Variants in AASS observed in about 807,000 individuals in gnomAD.
The protein encoded by AASS is aminoadipate-semialdehyde synthase, also known as alpha-aminoadipic semialdehyde synthase, mitochondrial.
In AASS, 86 loss-of-function variants were observed where a neutral mutation model predicts 105.4. That is an observed-to-expected ratio of 0.82 (90% CI 0.69 to 0.98). The LOEUF (loss-of-function observed/expected upper bound fraction) is 0.98. AASS is among the 50% of genes least tolerant of loss of function. AASS has a pLI of 0.00. For missense variants in AASS, 1,048 were observed against 1,143.2 expected (o/e 0.92, Z 1.20); for synonymous variants, 381 against 394.8 (o/e 0.96, Z 0.41).
In AASS at chr7:122,091,833, T is replaced by C. The variant is rs753976876; in HGVS notation, c.1886A>G (p.Tyr629Cys). ...TGGAAGCCCACCACAGTAGGAAATA[T>C]ATGATTCAATCTATAAATTAAAGAA... The part of the protein sequence containing the change: ...AKEVGATIES[Y>C]ISYCGGLPAP... The change falls in exon 18 of 24, where the codon TAT becomes TGT. Residue 629 changes from tyrosine (Y) to cysteine (C), a missense_variant. Transcript: ENST00000417368. 6 of 1,602,784 alleles carry C rather than the reference T, an allele frequency of 3.7e-6. No homozygotes were observed. Among genetic ancestry groups the C allele is most frequent in the Admixed American group, 1.7e-5 (1 of 59,832 alleles).
chr7:122,142,843 C>T (rs575339521), intron 1 of AASS, among the ~76,000 whole-genome samples: 5 of 152,162 alleles, frequency 3.3e-5, no homozygotes, highest in East Asian at 3.9e-4. Flanking sequence ...TCCAAAATTC[C>T]GAACCAAGGT....
intron 14 of AASS, 65 bp from the exon 15 acceptor site, chr7:122,098,641 A>C (rs1484606182): frequency 3.2e-6 from 5 of 1,582,366 alleles, no homozygotes; most frequent in Middle Eastern, 1.8e-4. Context: ...TAACATCTCC[A>C]AAAATAAATT....
intron 18 of AASS, among the ~76,000 whole-genome samples, chr7:122,088,670 G>C (rs1235962654): frequency 1.3e-5 from 2 of 152,168 alleles, no homozygotes; most frequent in African/African-American, 4.8e-5. Flanking sequence ...GGGTGCTGCA[G>C]TCAAGGTGGT....
chr7:122,118,908 C>G (rs73426027), intron 4 of AASS, among the ~76,000 whole-genome samples: 4 of 152,140 alleles, frequency 2.6e-5, no homozygotes, highest in Middle Eastern at 3.2e-3. Context: ...ACCTTGGCTC[C>G]GGATCCCATC....
intron 21 of AASS, 109 bp from the exon 22 acceptor site, chr7:122,079,059 G>A (rs943322786): frequency 4.8e-5 from 76 of 1,595,760 alleles, no homozygotes; most frequent in Non-Finnish European, 3.8e-5. Context: ...GAATTACAAG[G>A]TGGTAACTCA....
intron 17 of AASS, 45 bp from the exon 18 acceptor site, chr7:122,091,888 G>A: frequency 1.5e-6 from 2 of 1,363,822 alleles, no homozygotes; most frequent in South Asian, 1.2e-5. Flanking sequence ...TCACAACTTA[G>A]AGAATGTCTA....
At position 122,092,934 on chromosome 7, in the gene AASS, A is replaced by T. The variant is rs1793976180; in HGVS notation, c.1784T>A (p.Ile595Asn). Reference protein sequence around the residue: ...ELEKSVEDAGITIIGELGLDP... With the variant: ...ELEKSVEDAGNTIIGELGLDP... Reference sequence around the variant, plus strand: ...CAATCCCAATTCACCAATGATTGTGATGCCAGCATCTTCCACACTGCAGCA... The same window carrying T: ...CAATCCCAATTCACCAATGATTGTGTTGCCAGCATCTTCCACACTGCAGCA... The change falls in exon 17 of 24, where the codon ATC becomes AAC. Residue 595 changes from isoleucine to asparagine, a missense_variant. By Grantham distance (149) the Ile-to-Asn change is moderately radical. Transcript: ENST00000417368. The T allele has an allele frequency of 6.2e-7, 1 of 1,613,804 alleles. No individual in the cohort carries two copies. Among genetic ancestry groups the T allele is most frequent in the Non-Finnish European group, 8.5e-7 (1 of 1,179,880 alleles).
intron 4 of AASS, among the ~76,000 whole-genome samples, chr7:122,124,126 T>G (rs1281018575): frequency 6.6e-6 from 1 of 152,230 alleles, no homozygotes; most frequent in East Asian, 1.9e-4. Context: ...ATTTTCCCCC[T>G]CTTCACTTTG....
intron 23 of AASS, 66 bp from the exon 24 acceptor site, chr7:122,076,673 G>A (rs954240992): frequency 8.2e-7 from 1 of 1,224,934 alleles, no homozygotes; most frequent in Non-Finnish European, 1.2e-6. Context: ...TCCCCATCAA[G>A]AGTCTCCACA....
Position 122,129,677 on chromosome 7 carries a change from T to A in AASS, c.211-140A>T, listed in dbSNP as rs542418838. ...GAATTAGAACAAATAATAGAACAAC[T>A]ACTTGTAATGTTTGTACTTGTTGGC... On this transcript the variant is annotated intron_variant, in intron 2 of 23. Coordinates refer to ENST00000417368, the MANE Select transcript of AASS (RefSeq NM_005763.4). 8.1e-5 allele frequency: 60 copies of A among 741,122 alleles called. No homozygotes were observed. In the South Asian group the frequency reaches 9.7e-4, roughly 12 times the overall value. 45.9% of individuals were successfully genotyped at this position (741,122 alleles called of 1,614,324 possible).
intron 18 of AASS, among the ~76,000 whole-genome samples, chr7:122,087,196 C>G (rs17144088): frequency 0.022 from 3,297 of 152,252 alleles, 129 homozygotes; most frequent in African/African-American, 0.075. Context: ...CTGAAGAGGC[C>G]TTTGGCTAAA....
At chr7:122,088,390 T>C (rs1239712792) in intron 18 of AASS, among the ~76,000 whole-genome samples, 1 of 152,158 alleles carries the variant, frequency 6.6e-6, no homozygotes, top group African/African-American at 2.4e-5. Flanking sequence ...GCATTATCTT[T>C]AATCCATGAA....
At chr7:122,077,616 C>T (rs1447889130) in intron 23 of AASS, among the ~76,000 whole-genome samples, 1 of 152,202 alleles carries the variant, frequency 6.6e-6, no homozygotes, top group Non-Finnish European at 1.5e-5. Flanking sequence ...CACTCAGCCA[C>T]CTTGGAACTG....
At chr7:122,103,770 A>G (rs1447023509) in intron 11 of AASS, among the ~76,000 whole-genome samples, 1 of 151,968 alleles carries the variant, frequency 6.6e-6, no homozygotes, top group Admixed American at 6.6e-5. Context: ...ATATGTACAT[A>G]TACATATATA....
intron 1 of AASS, among the ~76,000 whole-genome samples, chr7:122,139,221 C>A (rs1356921321): frequency 6.6e-6 from 1 of 152,072 alleles, no homozygotes; most frequent in East Asian, 1.9e-4. Context: ...GAATATGGGA[C>A]AAATGCTTTT....
At chr7:122,141,658 CAAAAAAAAAAAAAA>C (rs67469054) in intron 1 of AASS, among the ~76,000 whole-genome samples, 1 of 94,634 alleles carries the variant, frequency 1.1e-5, no homozygotes, top group Non-Finnish European at 2.2e-5. Flanking sequence ...CCTAACCCTG[CAAAAAAAAAAAAAA>C]AAAAAAAAAA....
At chr7:122,135,349 T>C (rs1796095455) in intron 1 of AASS, among the ~76,000 whole-genome samples, 1 of 151,002 alleles carries the variant, frequency 6.6e-6, no homozygotes, top group Admixed American at 6.6e-5. Context: ...AGAAGCAGAG[T>C]TAAATCACTC....
At chr7:122,104,034 A>AG (rs1794551794) in intron 11 of AASS, among the ~76,000 whole-genome samples, 1 of 152,134 alleles carries the variant, frequency 6.6e-6, no homozygotes. Context: ...TAAACAGGAG[A>AG]GGAAAAAAAG....
chr7:122,101,765 C>T, intron 11 of AASS, 85 bp from the exon 12 acceptor site: 1 of 1,018,964 alleles, frequency 9.8e-7, no homozygotes, highest in Non-Finnish European at 1.5e-6. Context: ...AAATATTAAT[C>T]AAGGGAAAAA....
Sources: gnomAD v4.1 joint callset for allele counts (sites outside exome capture counted in the v4.1 genomes callset) on GRCh38, gnomAD v4.1.1 for gene constraint, MANE v1.5 for transcripts, NCBI Gene and HGNC (gene_info 2026-07-23, HGNC 2026-07-21) for gene names.